SCAPER: variants seen among roughly 807,000 people sequenced by gnomAD.
The protein encoded by SCAPER is S-phase cyclin A associated protein in the ER, also known as S phase cyclin A-associated protein in the endoplasmic reticulum.
Under a neutral mutation model 182.2 loss-of-function variants are expected in SCAPER, and 98 were observed. That is an observed-to-expected ratio of 0.54 (90% CI 0.46 to 0.64). The LOEUF (loss-of-function observed/expected upper bound fraction) is 0.64. Ranked by LOEUF, SCAPER falls within the 30% of genes least tolerant of loss-of-function variation. The pLI is 0.00. For synonymous variants in SCAPER, 605 were observed against 564.6 expected (o/e 1.07, Z -1.01); for missense variants, 1,432 against 1,690.0 (o/e 0.85, Z 2.68).
chr15:76,776,072 T>G (rs975634159), intron 8 of SCAPER, among the ~76,000 whole-genome samples: 2 of 152,114 alleles, frequency 1.3e-5, no homozygotes, highest in South Asian at 2.1e-4. Flanking sequence ...CTCTGAGAGA[T>G]AGACTACAGT....
chr15:76,431,594 C>T (rs961365490), intron 26 of SCAPER, among the ~76,000 whole-genome samples: 1 of 142,250 alleles, frequency 7.0e-6, no homozygotes, highest in Non-Finnish European at 1.5e-5. Flanking sequence ...ACAAAAATGC[C>T]CAGATTGTAA....
intron 24 of SCAPER, among the ~76,000 whole-genome samples, chr15:76,497,977 G>C (rs419105): frequency 2.8e-5 from 3 of 105,778 alleles, no homozygotes; most frequent in African/African-American, 1.1e-4. Context: ...GTGATGGAGC[G>C]AGACTCCGTC....
chr15:76,852,847 G>A (rs2070893998), intron 4 of SCAPER, among the ~76,000 whole-genome samples: 1 of 152,072 alleles, frequency 6.6e-6, no homozygotes, highest in Non-Finnish European at 1.5e-5. Context: ...AATCAGAGAT[G>A]AACCAAGGAA....
At chr15:76,821,529 G>C (rs1315139791) in intron 5 of SCAPER, among the ~76,000 whole-genome samples, 1 of 152,186 alleles carries the variant, frequency 6.6e-6, no homozygotes, top group East Asian at 1.9e-4. Flanking sequence ...GGCTGAGGTT[G>C]GGGGGGATCA....
chr15:76,719,876 G>A (rs1431296585), intron 17 of SCAPER, among the ~76,000 whole-genome samples: 1 of 151,414 alleles, frequency 6.6e-6, no homozygotes, highest in Admixed American at 6.6e-5. Flanking sequence ...TTATTAGAAT[G>A]CTTAACAGAA....
chr15:76,571,756 G>A (rs1314681757), intron 23 of SCAPER, among the ~76,000 whole-genome samples: 2 of 151,976 alleles, frequency 1.3e-5, no homozygotes. Context: ...TCCTTCACTG[G>A]GTACCTGGCT....
chr15:76,794,557 A>G (rs890080697), intron 8 of SCAPER, among the ~76,000 whole-genome samples: 1 of 152,230 alleles, frequency 6.6e-6, no homozygotes, highest in Admixed American at 6.5e-5. Flanking sequence ...GTCTTTTGTT[A>G]TGTGCAATAA....
At position 76,629,737 on chromosome 15, in the gene SCAPER, C is replaced by T. The variant is rs114627740; in HGVS notation, c.2646-7908G>A. Among the ~76,000 whole-genome samples, 1,254 of 152,032 alleles carry T rather than the reference C, an allele frequency of 8.2e-3. 13 individuals carry two copies. Among genetic ancestry groups the T allele is most frequent in the African/African-American group, 0.028 (1,182 of 41,486 alleles). On this transcript the variant is annotated intron_variant, in intron 21 of 31. Coordinates refer to ENST00000563290, the MANE Select transcript of SCAPER (RefSeq NM_020843.4). ...AAGTTTTCTTTTTTTGTTGTATCTG[C>T]GCCAGGTTTTGGTATCAGGATGGTG... is the stretch of plus-strand genomic sequence containing the variant.
chr15:76,452,628 C>T (rs997281409), intron 25 of SCAPER, among the ~76,000 whole-genome samples: 3 of 152,152 alleles, frequency 2.0e-5, no homozygotes, highest in South Asian at 2.1e-4. Context: ...TTAAGTTGAA[C>T]GCCGTATTTC....
chr15:76,469,457 A>G (rs187679292), intron 25 of SCAPER, among the ~76,000 whole-genome samples: 1 of 152,186 alleles, frequency 6.6e-6, no homozygotes, highest in Non-Finnish European at 1.5e-5. Context: ...AAAACAGACT[A>G]TTCTATAGAT....
At position 76,592,503 on chromosome 15, in the gene SCAPER, C is replaced by G. The variant is rs1296826512; in HGVS notation, c.2712-18219G>C. ...ACCCTAAAATATTTACAACCTGGTCCTTTCTAAAAAAATGTTTGGTGGCTG... is the reference window on the plus strand; with the variant it reads ...ACCCTAAAATATTTACAACCTGGTCGTTTCTAAAAAAATGTTTGGTGGCTG... On this transcript the variant is annotated intron_variant, in intron 22 of 31. Coordinates refer to ENST00000563290, the MANE Select transcript of SCAPER (RefSeq NM_020843.4). 1.6e-5 allele frequency among the ~76,000 whole-genome samples: 2 copies of G among 122,636 alleles called. 1 individual carries two copies. The highest frequency in any genetic ancestry group is 5.0e-5 in the African/African-American group (2 of 39,996). 80.5% of individuals were successfully genotyped at this position (122,636 alleles called of 152,430 possible). A position where few individuals can be genotyped will look rare whatever the true frequency, so the allele number is the denominator to read the frequency against.
Position 76,597,890 on chromosome 15 carries a change from G to C in SCAPER, c.2712-23606C>G, listed in dbSNP as rs776149233. On this transcript the variant is annotated intron_variant, in intron 22 of 31. Transcript: ENST00000563290. ...CAATACCATTCAGGACATAGGCATG[G>C]GCAAAGACTTCATGACTAAAATATC... 4.2e-5 allele frequency among the ~76,000 whole-genome samples: 5 copies of C among 120,330 alleles called. 2 individuals are homozygous for C. Among genetic ancestry groups the C allele is most frequent in the Non-Finnish European group, 6.0e-5 (3 of 49,628 alleles). 78.9% of individuals were successfully genotyped at this position (120,330 alleles called of 152,430 possible).
chr15:76,837,682 C>A (rs144243368), intron 5 of SCAPER, among the ~76,000 whole-genome samples: 1 of 152,062 alleles, frequency 6.6e-6, no homozygotes, highest in Non-Finnish European at 1.5e-5. Flanking sequence ...AAATGCAATA[C>A]GAAACTACAA....
intron 30 of SCAPER, among the ~76,000 whole-genome samples, chr15:76,352,752 T>A (rs938016764): frequency 1.2e-4 from 18 of 152,100 alleles, no homozygotes; most frequent in African/African-American, 4.3e-4. Flanking sequence ...ACCTGGTCCA[T>A]AATGTATTTT....
intron 23 of SCAPER, among the ~76,000 whole-genome samples, chr15:76,539,545 C>CTTTTTTTT (rs36086361): frequency 2.5e-5 from 3 of 119,412 alleles, no homozygotes; most frequent in Non-Finnish European, 3.4e-5. Flanking sequence ...ATCAAAATTT[C>CTTTTTTTT]TTTTTTTTTT....
chr15:76,786,326 C>A (rs78005189), intron 8 of SCAPER, among the ~76,000 whole-genome samples: 881 of 110,768 alleles, frequency 8.0e-3, no homozygotes, highest in South Asian at 0.012. Context: ...GACTCTGTCT[C>A]AAAAAAAAAA....
At chr15:76,674,773 T>C (rs1273179236) in intron 20 of SCAPER, among the ~76,000 whole-genome samples, 1 of 152,212 alleles carries the variant, frequency 6.6e-6, no homozygotes, top group Non-Finnish European at 1.5e-5. Flanking sequence ...GGTGCTTCTA[T>C]AGCAGCTTAG....
intron 7 of SCAPER, among the ~76,000 whole-genome samples, chr15:76,798,768 GATT>G (rs1477704771): frequency 6.6e-6 from 1 of 152,114 alleles, no homozygotes; most frequent in Non-Finnish European, 1.5e-5. Flanking sequence ...TGAAAGAAAG[GATT>G]ATTAACCAAG....
At chr15:76,492,210 T>C (rs1390118657) in intron 24 of SCAPER, among the ~76,000 whole-genome samples, 4 of 152,184 alleles carry the variant, frequency 2.6e-5, no homozygotes, top group African/African-American at 9.7e-5. Context: ...ACTTCTCAGC[T>C]TAGAAAACAT....
Sources: gnomAD v4.1 joint callset for allele counts (sites outside exome capture counted in the v4.1 genomes callset) on GRCh38, gnomAD v4.1.1 for gene constraint, MANE v1.5 for transcripts, NCBI Gene and HGNC (gene_info 2026-07-23, HGNC 2026-07-21) for gene names.